Variants in PRKCE observed in about 807,000 individuals in gnomAD.
The protein encoded by PRKCE is protein kinase C epsilon.
Under a neutral mutation model 85.4 loss-of-function variants are expected in PRKCE, and 16 were observed. That is an observed-to-expected ratio of 0.19 (90% CI 0.13 to 0.28). PRKCE has a LOEUF of 0.28. Among genes scored for constraint, PRKCE ranks in the 10% least tolerant of loss-of-function variants. PRKCE has a pLI of 1.00. For missense variants in PRKCE, 573 were observed against 975.2 expected, an observed-to-expected ratio of 0.59 and a Z score of 5.49; for synonymous variants, 388 against 371.5, an observed-to-expected ratio of 1.04 and a Z score of -0.51.
intron 2 of PRKCE, among the ~76,000 whole-genome samples, chr2:45,912,470 G>T (rs1240557720): frequency 6.6e-6 from 1 of 152,172 alleles, no homozygotes; most frequent in Non-Finnish European, 1.5e-5. Flanking sequence ...TGCCTTGGGA[G>T]TGGGTGGGGG....
At chr2:46,156,195 T>G (rs1308324303) in intron 13 of PRKCE, among the ~76,000 whole-genome samples, 1 of 147,672 alleles carries the variant, frequency 6.8e-6, no homozygotes, top group Admixed American at 6.7e-5. Flanking sequence ...CGCCTCCCCC[T>G]CAGCCCTTCC....
chr2:45,967,284 G>A (rs1457116795), intron 2 of PRKCE, among the ~76,000 whole-genome samples: 1 of 152,182 alleles, frequency 6.6e-6, no homozygotes, highest in African/African-American at 2.4e-5. Context: ...CTAGATGGCA[G>A]GTGAAATTCA....
intron 2 of PRKCE, among the ~76,000 whole-genome samples, chr2:45,914,359 T>C (rs887519722): frequency 6.6e-6 from 1 of 152,210 alleles, no homozygotes; most frequent in Admixed American, 6.5e-5. Flanking sequence ...TGTTTGGACA[T>C]GTGGACTTGG....
chr2:45,771,118 T>C (rs928310871), intron 1 of PRKCE, among the ~76,000 whole-genome samples: 1 of 151,716 alleles, frequency 6.6e-6, no homozygotes, highest in Non-Finnish European at 1.5e-5. Context: ...CACTGGGGAG[T>C]AGAGAATGCA....
At chr2:45,771,020 T>C (rs1028749939) in intron 1 of PRKCE, among the ~76,000 whole-genome samples, 2 of 152,186 alleles carry the variant, frequency 1.3e-5, no homozygotes, top group African/African-American at 4.8e-5. Flanking sequence ...TAGTGTTCCC[T>C]CCAAGCGTAC....
chr2:45,808,295 G>C (rs1394442643), intron 1 of PRKCE, among the ~76,000 whole-genome samples: 1 of 152,190 alleles, frequency 6.6e-6, no homozygotes, highest in Non-Finnish European at 1.5e-5. Flanking sequence ...TATATACCTA[G>C]GTGATGAATT....
chr2:46,075,847 A>G (rs529593823), intron 10 of PRKCE, among the ~76,000 whole-genome samples: 1 of 152,348 alleles, frequency 6.6e-6, no homozygotes, highest in Admixed American at 6.5e-5. Flanking sequence ...CTTCTGCAAG[A>G]TGATCAGGAC....
chr2:46,124,429 A>T (rs1223918793), intron 11 of PRKCE, among the ~76,000 whole-genome samples: 1 of 152,212 alleles, frequency 6.6e-6, no homozygotes, highest in Non-Finnish European at 1.5e-5. Context: ...GAATATGAAT[A>T]GATGGCAATC....
intron 2 of PRKCE, among the ~76,000 whole-genome samples, chr2:45,856,788 A>C (rs1254693515): frequency 6.6e-6 from 1 of 152,068 alleles, no homozygotes; most frequent in Non-Finnish European, 1.5e-5. Context: ...TCCACCTATG[A>C]GTGAGATCAT....
chr2:46,035,781 G>C (rs912146504), intron 10 of PRKCE, among the ~76,000 whole-genome samples: 5 of 152,196 alleles, frequency 3.3e-5, no homozygotes, highest in Non-Finnish European at 5.9e-5. Context: ...AGTTATAACA[G>C]ATATGCATTA....
intron 10 of PRKCE, among the ~76,000 whole-genome samples, chr2:46,076,267 C>G (rs1668553404): frequency 6.6e-6 from 1 of 152,166 alleles, no homozygotes; most frequent in African/African-American, 2.4e-5. Context: ...TGTAGCCTAG[C>G]TGGGGGCTGC....
rs1009797152 is a variant in PRKCE at position 45,700,076 on chromosome 2, G to A, written c.348+47628G>A. 2.1e-4 allele frequency among the ~76,000 whole-genome samples: 32 copies of A among 151,996 alleles called. 1 individual carries two copies. The highest frequency in any genetic ancestry group is 2.1e-4 in the South Asian group (1 of 4,816). ...AGAAGGCACGAGCCACAAGATGAAC[G>A]GGGGCAGTTAACTAACCAGGCCGCC... On this transcript the variant is annotated intron_variant, in intron 1 of 14. Coordinates refer to ENST00000306156, the MANE Select transcript of PRKCE (RefSeq NM_005400.3).
At chr2:46,013,889 G>A (rs1231542672) in intron 10 of PRKCE, among the ~76,000 whole-genome samples, 3 of 152,188 alleles carry the variant, frequency 2.0e-5, no homozygotes, top group Non-Finnish European at 4.4e-5. Context: ...AGACTCAGAA[G>A]TGTGTAAAGT....
chr2:46,100,591 G>A (rs3754570), intron 11 of PRKCE, among the ~76,000 whole-genome samples: 2 of 151,956 alleles, frequency 1.3e-5, no homozygotes, highest in South Asian at 2.1e-4. Context: ...GTCCCCTCCC[G>A]TGTTGGAAAT....
At position 45,774,462 on chromosome 2, in the gene PRKCE, C is replaced by T. The variant is rs145309296; in HGVS notation, c.349-68538C>T. Among the ~76,000 whole-genome samples, 14 of 152,286 alleles carry T rather than the reference C, an allele frequency of 9.2e-5. No individual in the cohort carries two copies. The highest frequency in any genetic ancestry group is 3.4e-3 in the Middle Eastern group (1 of 294). On this transcript the variant is annotated intron_variant, in intron 1 of 14. Coordinates refer to ENST00000306156, the MANE Select transcript of PRKCE (RefSeq NM_005400.3). The surrounding 1 kb of genome is among the most constrained non-coding windows in gnomAD (Gnocchi z 4.3). ...AGCACGGCTTTAGAGACCGAGTGCC[C>T]GCTTTTTCTCTCTTTTTGATAAATT... is the stretch of plus-strand genomic sequence containing the variant.
chr2:45,988,089 G>A (rs58591933), intron 6 of PRKCE, among the ~76,000 whole-genome samples: 1 of 152,192 alleles, frequency 6.6e-6, no homozygotes, highest in African/African-American at 2.4e-5. Context: ...GCCACCCTTT[G>A]CTGCTTAGGA....
intron 1 of PRKCE, among the ~76,000 whole-genome samples, chr2:45,659,309 T>G (rs1047027834): frequency 1.3e-5 from 2 of 152,214 alleles, no homozygotes; most frequent in African/African-American, 4.8e-5. Context: ...CCTGTAATTC[T>G]CAGGTGCCCC....
At chr2:45,681,279 ACT>A (rs1676874271) in intron 1 of PRKCE, among the ~76,000 whole-genome samples, 1 of 107,380 alleles carries the variant, frequency 9.3e-6, no homozygotes, top group Non-Finnish European at 1.7e-5. Context: ...ACAGAGCAAG[ACT>A]CTGTCTCAAA....
intron 11 of PRKCE, among the ~76,000 whole-genome samples, chr2:46,126,512 G>A (rs141727234): frequency 3.9e-4 from 59 of 152,220 alleles, no homozygotes; most frequent in Admixed American, 1.6e-3. Flanking sequence ...AGGCATTGGC[G>A]GATGCTGTTA....
Sources: gnomAD v4.1 joint callset for allele counts (sites outside exome capture counted in the v4.1 genomes callset) on GRCh38, gnomAD v4.1.1 for gene constraint, Gnocchi (gnomAD v3.1) non-coding constraint, MANE v1.5 for transcripts, NCBI Gene and HGNC (gene_info 2026-07-23, HGNC 2026-07-21) for gene names.